Variants in DSCAM observed in about 807,000 individuals in gnomAD.
DSCAM encodes cell adhesion molecule DSCAM.
DSCAM carries 47 observed loss-of-function variants against 217.7 expected under a neutral mutation model. The ratio of observed to expected loss-of-function variants is 0.22; its 90% confidence interval spans 0.17 to 0.28. DSCAM has a LOEUF of 0.28. Among genes scored for constraint, DSCAM ranks in the 10% least tolerant of loss-of-function variants. The pLI is 1.00. For synonymous variants in DSCAM, 1,056 were observed against 1,015.3 expected (o/e 1.04, Z -0.76); for missense variants, 2,080 against 2,618.3 (o/e 0.79, Z 4.49).
At chr21:40,109,548 T>G (rs552277299) in intron 20 of DSCAM, among the ~76,000 whole-genome samples, 2 of 152,250 alleles carry the variant, frequency 1.3e-5, no homozygotes, top group East Asian at 3.9e-4. Flanking sequence ...TTCATCTCAC[T>G]GGGGAGTGTC....
At chr21:40,404,946 T>A (rs1452455228) in intron 3 of DSCAM, among the ~76,000 whole-genome samples, 1 of 152,204 alleles carries the variant, frequency 6.6e-6, no homozygotes, top group Admixed American at 6.5e-5. Flanking sequence ...CAGAGACATA[T>A]GAAATAATTT....
chr21:40,733,208 T>C (rs1172844155), intron 1 of DSCAM, among the ~76,000 whole-genome samples: 2 of 152,146 alleles, frequency 1.3e-5, no homozygotes, highest in Admixed American at 6.5e-5. Context: ...GGAGGCAGGC[T>C]GGAGACAAGT....
At chr21:40,768,743 G>A (rs1278511793) in intron 1 of DSCAM, among the ~76,000 whole-genome samples, 1 of 152,182 alleles carries the variant, frequency 6.6e-6, no homozygotes, top group Admixed American at 6.5e-5. Context: ...GTAAAAGCAG[G>A]CTTCCCAAAG....
chr21:40,393,937 T>C (rs1177751406), intron 3 of DSCAM, among the ~76,000 whole-genome samples: 1 of 152,232 alleles, frequency 6.6e-6, no homozygotes, highest in African/African-American at 2.4e-5. Flanking sequence ...TCTTGAGTGT[T>C]TCTAATATTT....
intron 3 of DSCAM, among the ~76,000 whole-genome samples, chr21:40,425,342 A>G (rs2075462078): frequency 1.3e-5 from 2 of 152,200 alleles, no homozygotes; most frequent in South Asian, 2.1e-4. Flanking sequence ...CCTGGCCAAC[A>G]TGGTGAAACC....
At chr21:40,751,746 C>T (rs1238248006) in intron 1 of DSCAM, among the ~76,000 whole-genome samples, 1 of 152,062 alleles carries the variant, frequency 6.6e-6, no homozygotes, top group African/African-American at 2.4e-5. Flanking sequence ...TTTTCAAGGA[C>T]ACTTTTCTAT....
At chr21:40,015,924 C>T (rs2088149422) in intron 32 of DSCAM, among the ~76,000 whole-genome samples, 1 of 152,206 alleles carries the variant, frequency 6.6e-6, no homozygotes, top group Admixed American at 6.5e-5. Flanking sequence ...GTGCCTTATC[C>T]AGCCCAGTGC....
chr21:40,817,637 C>T (rs2091891303), intron 1 of DSCAM, among the ~76,000 whole-genome samples: 1 of 152,176 alleles, frequency 6.6e-6, no homozygotes, highest in South Asian at 2.1e-4. Context: ...CCCGCCACCC[C>T]GTCTCCCAAG....
At chr21:40,045,556 C>A (rs1181475519) in intron 30 of DSCAM, among the ~76,000 whole-genome samples, 7 of 152,214 alleles carry the variant, frequency 4.6e-5, no homozygotes, top group African/African-American at 1.7e-4. Flanking sequence ...GAATGGGCTA[C>A]AACATCGCCT....
At chr21:40,021,825 C>T (rs914976900) in intron 32 of DSCAM, among the ~76,000 whole-genome samples, 3 of 152,266 alleles carry the variant, frequency 2.0e-5, no homozygotes, top group Middle Eastern at 3.4e-3. Flanking sequence ...CTGCAGGCCC[C>T]ACATCCATCA....
intron 32 of DSCAM, among the ~76,000 whole-genome samples, chr21:40,018,588 T>A (rs2088206696): frequency 6.6e-6 from 1 of 152,180 alleles, no homozygotes; most frequent in South Asian, 2.1e-4. Context: ...TTATTAAACC[T>A]CCACAAAGTA....
intron 29 of DSCAM, among the ~76,000 whole-genome samples, chr21:40,053,020 A>G (rs2088957288): frequency 6.6e-6 from 1 of 152,218 alleles, no homozygotes; most frequent in Non-Finnish European, 1.5e-5. Context: ...GCAGCCCAGG[A>G]TGCTGTTGCT....
chr21:40,748,568 A>C (rs1268838946), intron 1 of DSCAM, among the ~76,000 whole-genome samples: 1 of 152,044 alleles, frequency 6.6e-6, no homozygotes, highest in Non-Finnish European at 1.5e-5. Flanking sequence ...ATAAAACGCC[A>C]ATGAAAGAAA....
At chr21:40,571,319 TAAATA>T (rs1465355079) in intron 3 of DSCAM, among the ~76,000 whole-genome samples, 2 of 152,182 alleles carry the variant, frequency 1.3e-5, no homozygotes, top group African/African-American at 4.8e-5. Context: ...ATTCTTCTCA[TAAATA>T]AAATATGAAT....
chr21:40,407,085 T>C (rs538350219), intron 3 of DSCAM, among the ~76,000 whole-genome samples: 1 of 152,176 alleles, frequency 6.6e-6, no homozygotes, highest in Non-Finnish European at 1.5e-5. Context: ...ATAGCAACTA[T>C]AGTTAATAGC....
At chr21:40,157,684 C>G (rs2090493578) in intron 16 of DSCAM, among the ~76,000 whole-genome samples, 1 of 104,382 alleles carries the variant, frequency 9.6e-6, no homozygotes, top group South Asian at 4.2e-4. Context: ...GTCTCTCTTT[C>G]CTTTTCTTTT....
intron 1 of DSCAM, among the ~76,000 whole-genome samples, chr21:40,822,434 C>T (rs1439215557): frequency 6.8e-6 from 1 of 148,054 alleles, no homozygotes; most frequent in Non-Finnish European, 1.5e-5. Flanking sequence ...GCTTATATTA[C>T]CTCTGTTTTT....
At chr21:40,444,118 A>T in intron 3 of DSCAM, among the ~76,000 whole-genome samples, 1 of 152,076 alleles carries the variant, frequency 6.6e-6, no homozygotes. Context: ...TCCTTTCTCA[A>T]CTTTGAAATA....
chr21:40,673,556 G>A (rs1478817536), intron 3 of DSCAM, among the ~76,000 whole-genome samples: 7 of 152,092 alleles, frequency 4.6e-5, no homozygotes, highest in Non-Finnish European at 1.0e-4. Context: ...GAGTGGTCTG[G>A]TGGTATGGCT....
Sources: gnomAD v4.1 joint callset for allele counts (sites outside exome capture counted in the v4.1 genomes callset) on GRCh38, gnomAD v4.1.1 for gene constraint, MANE v1.5 for transcripts, NCBI Gene and HGNC (gene_info 2026-07-23, HGNC 2026-07-21) for gene names.